Variants in AIG1 observed in about 807,000 individuals in gnomAD.
AIG1 encodes androgen-induced gene 1 protein.
Under a neutral mutation model 31.4 loss-of-function variants are expected in AIG1, and 23 were observed. That is an observed-to-expected ratio of 0.73 (90% confidence interval 0.53 to 1.04). AIG1 has a LOEUF of 1.04. Ranked by LOEUF, AIG1 falls within the 50% of genes least tolerant of loss-of-function variation. The pLI is 0.00. For synonymous variants in AIG1, 100 were observed against 110.5 expected (o/e 0.90, Z 0.60); for missense variants, 274 against 295.0 (o/e 0.93, Z 0.52).
chr6:143,314,700 G>C (rs1027999013), intron 4 of AIG1, among the ~76,000 whole-genome samples: 3 of 152,028 alleles, frequency 2.0e-5, no homozygotes, highest in Non-Finnish European at 2.9e-5. Flanking sequence ...TTCATGCATG[G>C]CAATACCCAA....
chr6:143,142,820 G>C (rs769281451), intron 2 of AIG1, among the ~76,000 whole-genome samples: 38 of 152,104 alleles, frequency 2.5e-4, no homozygotes, highest in Non-Finnish European at 4.7e-4. Context: ...GGACTGTATG[G>C]TATCTGCTTC....
intron 1 of AIG1, among the ~76,000 whole-genome samples, chr6:143,114,075 G>T (rs1046266033): frequency 2.6e-5 from 4 of 152,106 alleles, no homozygotes; most frequent in Non-Finnish European, 5.9e-5. Context: ...CGCCTGGCCG[G>T]AAATGTTTTC....
intron 1 of AIG1, among the ~76,000 whole-genome samples, chr6:143,131,132 A>G (rs184538209): frequency 1.3e-3 from 197 of 152,270 alleles, no homozygotes; most frequent in Non-Finnish European, 2.2e-3. Context: ...TTTGCATTGG[A>G]GAGCTTAAAC....
Position 143,334,162 on chromosome 6 carries a change from A to G in AIG1, c.679+717A>G. On this transcript the variant is annotated intron_variant, in intron 5 of 5. Transcript: ENST00000357847. This position sits in a 1 kb window ranked among gnomAD's most constrained non-coding sequence, Gnocchi z 5.1. The stretch of plus-strand genomic sequence containing the variant: ...GTATGTACAATAACATAAAAATTGA[A>G]AGGTGGAAAAAGCGCCAGCACAGAC... 6.8e-7 allele frequency: 1 copy of G among 1,474,892 alleles called. No individual in the cohort carries two copies. Among genetic ancestry groups the G allele is most frequent in the Non-Finnish European group, 9.2e-7 (1 of 1,086,426 alleles). 91.4% of individuals were successfully genotyped at this position (1,474,892 alleles called of 1,614,324 possible).
At chr6:143,263,711 G>A (rs1401112363) in intron 3 of AIG1, among the ~76,000 whole-genome samples, 1 of 152,136 alleles carries the variant, frequency 6.6e-6, no homozygotes, top group Non-Finnish European at 1.5e-5. Flanking sequence ...GATGTTCTTT[G>A]ATGTCTAAAT....
At chr6:143,184,948 A>G (rs1789098661) in intron 3 of AIG1, among the ~76,000 whole-genome samples, 1 of 152,198 alleles carries the variant, frequency 6.6e-6, no homozygotes, top group Non-Finnish European at 1.5e-5. Flanking sequence ...CTGTAGTCCC[A>G]GTACTTTGGG....
chr6:143,222,520 A>C (rs1189871576), intron 3 of AIG1, among the ~76,000 whole-genome samples: 1 of 152,114 alleles, frequency 6.6e-6, no homozygotes, highest in South Asian at 2.1e-4. Context: ...CAGCTCTGCC[A>C]CTGTCTGGTT....
chr6:143,341,976 A>C (rs537619883), downstream of AIG1, among the ~76,000 whole-genome samples: 6 of 152,146 alleles, frequency 3.9e-5, no homozygotes, highest in South Asian at 1.0e-3. Flanking sequence ...CCCAGGCTGG[A>C]GTGCAATGGC....
intron 2 of AIG1, among the ~76,000 whole-genome samples, chr6:143,141,906 G>C (rs1784275489): frequency 6.6e-6 from 1 of 151,972 alleles, no homozygotes; most frequent in Non-Finnish European, 1.5e-5. Context: ...GGAGGCATGA[G>C]AGAAGAGCAG....
rs12527663 is a variant in AIG1, at chr6:143,284,949, C to G, written c.515+724C>G. 0.22 allele frequency among the ~76,000 whole-genome samples: 33,882 copies of G among 152,034 alleles called. 3,930 individuals carry two copies. The highest frequency in any genetic ancestry group is 0.28 in the South Asian group (1,366 of 4,826). On this transcript the variant is annotated intron_variant, in intron 4 of 5. Transcript: ENST00000357847. The surrounding 1 kb of genome is among the most constrained non-coding windows in gnomAD (Gnocchi z 4.4). ...ATTTCTCTTTATAATTCCAAGTCCT[C>G]TTTGACATATTAACACGCACAGAGG...
chr6:143,288,510 G>C lies in AIG1; in HGVS notation c.515+4285G>C, dbSNP rs1269164276. ...GTCAACTGCTGTGAGTGTATTTAAA[G>C]CAAAATAGAGATGTCTGTTGTCTCT... On this transcript the variant is annotated intron_variant, in intron 4 of 5. Coordinates refer to ENST00000357847, the MANE Select transcript of AIG1 (RefSeq NM_016108.4). This position sits in a 1 kb window ranked among gnomAD's most constrained non-coding sequence, Gnocchi z 4.4. Among the ~76,000 whole-genome samples the C allele has an allele frequency of 6.6e-6, 1 of 152,146 alleles. No homozygotes were observed. The highest frequency in any genetic ancestry group is 2.4e-5 in the African/African-American group (1 of 41,412).
chr6:143,255,570 T>C (rs1407701865), intron 3 of AIG1, among the ~76,000 whole-genome samples: 3 of 152,198 alleles, frequency 2.0e-5, no homozygotes, highest in African/African-American at 4.8e-5. Context: ...GCTCCAAATA[T>C]AGTCACTGTG....
In AIG1 at chr6:143,227,632, A is replaced by AT. The variant is rs1184278695; in HGVS notation, c.400-56468dup. Among the ~76,000 whole-genome samples the AT allele has an allele frequency of 2.5e-4, 38 of 150,994 alleles. 1 individual carries two copies. The East Asian group carries it at 2.9e-3, about 12-fold the overall frequency. The stretch of plus-strand genomic sequence containing the variant: ...AAAAGAGCTTGATCTCTTTGGAGTA[A>AT]TTTTTTTTTTCAACATGGAAAGCCC... On this transcript the variant is annotated intron_variant, in intron 3 of 5. Coordinates refer to ENST00000357847, the MANE Select transcript of AIG1 (RefSeq NM_016108.4).
intron 4 of AIG1, among the ~76,000 whole-genome samples, chr6:143,300,434 C>T (rs1274570130): frequency 6.6e-5 from 10 of 152,122 alleles, no homozygotes. Context: ...TGGAAAGAGG[C>T]AAGAGTCTAT....
intron 3 of AIG1, among the ~76,000 whole-genome samples, chr6:143,195,850 A>G (rs758482636): frequency 7.9e-5 from 12 of 152,206 alleles, no homozygotes; most frequent in Non-Finnish European, 1.8e-4. Context: ...CCGCCAGAAG[A>G]AAAGAGGAGC....
intron 1 of AIG1, among the ~76,000 whole-genome samples, chr6:143,121,566 T>C (rs1351696470): frequency 1.3e-5 from 2 of 152,212 alleles, no homozygotes; most frequent in Admixed American, 1.3e-4. Context: ...TGTTAGCTAT[T>C]TGGAGAAGCT....
chr6:143,257,643 A>G (rs1006004387), intron 3 of AIG1, among the ~76,000 whole-genome samples: 3 of 152,162 alleles, frequency 2.0e-5, no homozygotes, highest in Non-Finnish European at 1.5e-5. Flanking sequence ...TCCAACCCTA[A>G]ATGGCTCAGC....
chr6:143,162,886 C>T (rs986613692), intron 2 of AIG1, among the ~76,000 whole-genome samples: 7 of 151,994 alleles, frequency 4.6e-5, no homozygotes, highest in South Asian at 2.1e-4. Context: ...GGTGTGATCT[C>T]GAAAGGAAGA....
Position 143,298,977 on chromosome 6 carries a change from T to C in AIG1, c.515+14752T>C, listed in dbSNP as rs1224672692. On this transcript the variant is annotated intron_variant, in intron 4 of 5. Transcript: ENST00000357847. This position sits in a 1 kb window ranked among gnomAD's most constrained non-coding sequence, Gnocchi z 5.1. The stretch of plus-strand genomic sequence containing the variant: ...CACATGGTAGTACTACCAGACCAGA[T>C]GGGATGTGTTGTGTTGGCATATAGA... The C allele has an allele frequency of 6.6e-6, 1 of 152,122 alleles. No homozygotes were observed. The highest frequency in any genetic ancestry group is 2.4e-5 in the African/African-American group (1 of 41,410). 9.4% of individuals were successfully genotyped at this position (152,122 alleles called of 1,614,324 possible).
Sources: gnomAD v4.1 joint callset for allele counts (sites outside exome capture counted in the v4.1 genomes callset) on GRCh38, gnomAD v4.1.1 for gene constraint, Gnocchi (gnomAD v3.1) non-coding constraint, MANE v1.5 for transcripts, NCBI Gene and HGNC (gene_info 2026-07-23, HGNC 2026-07-21) for gene names.